SRGAP3: variants seen among roughly 807,000 people sequenced by gnomAD.
SRGAP3 encodes SLIT-ROBO Rho GTPase activating protein 3.
A neutral mutation model predicts 121.1 loss-of-function variants in SRGAP3; 39 were observed. The ratio of observed to expected loss-of-function variants is 0.32; its 90% CI spans 0.25 to 0.42. SRGAP3 has a LOEUF of 0.42. Among genes scored for constraint, SRGAP3 ranks in the 10% least tolerant of loss-of-function variants. The pLI is 1.00. For synonymous variants in SRGAP3, 601 were observed against 570.0 expected (o/e 1.05, Z -0.77); for missense variants, 1,213 against 1,470.6 (o/e 0.82, Z 2.86).
At chr3:9,297,438 T>C (rs188725641) in intron 3 of SRGAP3, among the ~76,000 whole-genome samples, 2 of 152,264 alleles carry the variant, frequency 1.3e-5, no homozygotes, top group African/African-American at 2.4e-5. Flanking sequence ...AATTACATAA[T>C]ATTATAGGCT....
intron 3 of SRGAP3, among the ~76,000 whole-genome samples, chr3:9,314,661 C>T (rs1288519763): frequency 6.6e-6 from 1 of 151,914 alleles, no homozygotes; most frequent in African/African-American, 2.4e-5. Flanking sequence ...CCCTGCCCTC[C>T]TCTCTCCACC....
At chr3:9,332,639 GA>G (rs1317388186) in intron 1 of SRGAP3, among the ~76,000 whole-genome samples, 1 of 152,144 alleles carries the variant, frequency 6.6e-6, no homozygotes, top group Non-Finnish European at 1.5e-5. Context: ...TAAAAGAAAA[GA>G]ATTGTTTGCA....
At chr3:9,150,947 C>T (rs534319902) in intron 1 of SRGAP3, among the ~76,000 whole-genome samples, 18 of 152,218 alleles carry the variant, frequency 1.2e-4, no homozygotes, top group Non-Finnish European at 1.0e-4. Context: ...ACTGGGTCAA[C>T]TCCAGACTTT....
intron 11 of SRGAP3, chr3:9,034,270 G>C (rs1169590134): frequency 6.6e-6 from 1 of 152,212 alleles, no homozygotes; most frequent in Non-Finnish European, 1.5e-5. Flanking sequence ...CAAATGGCTT[G>C]GTTCAAAATT....
chr3:9,149,561 G>A (rs1178709013), intron 1 of SRGAP3, among the ~76,000 whole-genome samples: 1 of 152,072 alleles, frequency 6.6e-6, no homozygotes, highest in Admixed American at 6.5e-5. Context: ...AGCTACAGTC[G>A]GGCTCCAAGA....
At chr3:9,331,000 G>C (rs1955596659) in intron 1 of SRGAP3, among the ~76,000 whole-genome samples, 1 of 152,186 alleles carries the variant, frequency 6.6e-6, no homozygotes, top group Admixed American at 6.5e-5. Context: ...GTCCTTCTCA[G>C]ACCATATTTA....
intron 3 of SRGAP3, among the ~76,000 whole-genome samples, chr3:9,086,040 G>A (rs1026816998): frequency 3.9e-5 from 6 of 152,132 alleles, no homozygotes; most frequent in African/African-American, 1.2e-4. Context: ...ATCACAGCTC[G>A]ACCTTACCCT....
intron 3 of SRGAP3, among the ~76,000 whole-genome samples, chr3:9,299,051 CAAAAAAAA>C (rs71049787): frequency 5.7e-5 from 4 of 70,392 alleles, no homozygotes; most frequent in East Asian, 7.1e-4. Flanking sequence ...GACTCCATCT[CAAAAAAAA>C]AAAAAAAAAA....
chr3:8,987,874 G>T (rs915202080), intron 21 of SRGAP3, among the ~76,000 whole-genome samples: 1 of 152,092 alleles, frequency 6.6e-6, no homozygotes, highest in Non-Finnish European at 1.5e-5. Context: ...TCCTGGAGCC[G>T]AGCCGCCCTA....
At chr3:9,030,212 A>C (rs774832406) in intron 12 of SRGAP3, among the ~76,000 whole-genome samples, 5 of 152,130 alleles carry the variant, frequency 3.3e-5, no homozygotes, top group Non-Finnish European at 7.3e-5. Flanking sequence ...TTTAACAAAC[A>C]CACCTTTTTT....
intron 1 of SRGAP3, among the ~76,000 whole-genome samples, chr3:9,345,081 G>A (rs1955859723): frequency 6.6e-6 from 1 of 151,866 alleles, no homozygotes; most frequent in Admixed American, 6.6e-5. Flanking sequence ...CTCTAAACCT[G>A]TTGCCAAATA....
upstream of SRGAP3, among the ~76,000 whole-genome samples, chr3:9,251,556 C>T (rs1216270030): frequency 6.6e-6 from 1 of 152,196 alleles, no homozygotes; most frequent in East Asian, 1.9e-4. Flanking sequence ...CTGCCACGAG[C>T]CTTGAGCTCA....
chr3:9,286,074 T>C (rs1463877404), intron 3 of SRGAP3, among the ~76,000 whole-genome samples: 1 of 150,118 alleles, frequency 6.7e-6, no homozygotes, highest in Non-Finnish European at 1.5e-5. Flanking sequence ...ATCATGCCAC[T>C]GCACTCCAGC....
intron 3 of SRGAP3, among the ~76,000 whole-genome samples, chr3:9,289,098 C>T (rs1954830867): frequency 6.6e-6 from 1 of 151,396 alleles, no homozygotes; most frequent in South Asian, 2.1e-4. Flanking sequence ...GGGGTTTTAC[C>T]ACGTTGATCA....
chr3:9,200,187 G>C (rs762529501), intron 1 of SRGAP3, among the ~76,000 whole-genome samples: 2 of 152,168 alleles, frequency 1.3e-5, no homozygotes, highest in Non-Finnish European at 2.9e-5. Flanking sequence ...AAAAGAAAAA[G>C]TATGTGTCCT....
intron 4 of SRGAP3, among the ~76,000 whole-genome samples, chr3:9,079,303 A>G (rs890079714): frequency 1.3e-5 from 2 of 152,056 alleles, no homozygotes; most frequent in African/African-American, 2.4e-5. Flanking sequence ...CCCACTCCCC[A>G]TATCTCTCCA....
chr3:9,222,344 C>T (rs1340285428), intron 1 of SRGAP3, among the ~76,000 whole-genome samples: 2 of 152,210 alleles, frequency 1.3e-5, no homozygotes, highest in Admixed American at 6.5e-5. Flanking sequence ...ACTACCGATT[C>T]GTAGAACAAA....
At chr3:9,304,891 G>A (rs1955131173) in intron 3 of SRGAP3, among the ~76,000 whole-genome samples, 1 of 152,178 alleles carries the variant, frequency 6.6e-6, no homozygotes, top group Non-Finnish European at 1.5e-5. Context: ...TTCTCCACCT[G>A]CTCACCTGGG....
At chr3:9,313,530 A>C (rs975834243) in intron 3 of SRGAP3, among the ~76,000 whole-genome samples, 3 of 151,688 alleles carry the variant, frequency 2.0e-5, no homozygotes, top group African/African-American at 7.3e-5. Flanking sequence ...CTCTACTAAA[A>C]AATACAAAAA....
Sources: allele counts gnomAD v4.1 joint callset (sites outside exome capture counted in the v4.1 genomes callset), GRCh38; gene constraint gnomAD v4.1.1; transcripts MANE v1.5; gene names NCBI Gene and HGNC (gene_info 2026-07-23, HGNC 2026-07-21).